POC1A: variants seen among roughly 807,000 people sequenced by gnomAD.
The protein encoded by POC1A is POC1 centriolar protein A, also known as POC1 centriolar protein homolog A.
A neutral mutation model predicts 47.8 loss-of-function variants in POC1A; 34 were observed. The ratio of observed to expected loss-of-function variants is 0.71; its 90% confidence interval spans 0.54 to 0.95. The LOEUF is 0.95. POC1A is among the 40% of genes least tolerant of loss of function. POC1A has a pLI of 0.00. For missense variants in POC1A, 466 were observed against 528.3 expected, an observed-to-expected ratio of 0.88 and a Z score of 1.16; for synonymous variants, 177 against 207.6, an observed-to-expected ratio of 0.85 and a Z score of 1.27.
intron 9 of POC1A, among the ~76,000 whole-genome samples, chr3:52,116,794 T>C (rs181626984): frequency 6.6e-6 from 1 of 152,232 alleles, no homozygotes; most frequent in East Asian, 1.9e-4. Context: ...TTCACACCTA[T>C]AATCCCAATG....
chr3:52,133,513 C>CT (rs1704316071), intron 7 of POC1A, among the ~76,000 whole-genome samples: 3 of 152,172 alleles, frequency 2.0e-5, no homozygotes, highest in Non-Finnish European at 4.4e-5. Flanking sequence ...CACCCGCACG[C>CT]TGACTCCTGG....
chr3:52,094,762 A>G (rs1031569479), intron 10 of POC1A, among the ~76,000 whole-genome samples: 3 of 152,208 alleles, frequency 2.0e-5, no homozygotes, highest in Non-Finnish European at 4.4e-5. Context: ...TATTGTTGGC[A>G]TCTGGTCGGG....
intron 4 of POC1A, among the ~76,000 whole-genome samples, chr3:52,147,648 G>GCC (rs1360941401): frequency 6.6e-6 from 1 of 151,788 alleles, no homozygotes; most frequent in African/African-American, 2.4e-5. Context: ...TCACTATGTT[G>GCC]CCCAGGCTGG....
chr3:52,075,688 A>T lies in POC1A; in HGVS notation c.*199T>A. ...CATCATTTGTGTGTGAGCCCGGCCCACTGGGGACCTCTGGCTGCCAGGTGG... is the reference window on the plus strand; with the variant it reads ...CATCATTTGTGTGTGAGCCCGGCCCTCTGGGGACCTCTGGCTGCCAGGTGG... On this transcript the variant is annotated 3_prime_UTR_variant, in exon 11 of 11. Transcript: ENST00000296484. 7.6e-6 allele frequency: 4 copies of T among 527,950 alleles called. No homozygotes were observed. The highest frequency in any genetic ancestry group is 1.4e-5 in the Non-Finnish European group (4 of 285,270). The allele number at this position is 527,950 out of a possible 1,614,324, so 32.7% of individuals were successfully genotyped here. A position where few individuals can be genotyped will look rare whatever the true frequency, so the allele number is the denominator to read the frequency against.
intron 9 of POC1A, among the ~76,000 whole-genome samples, chr3:52,118,642 G>A (rs1703658427): frequency 6.6e-6 from 1 of 152,118 alleles, no homozygotes; most frequent in Admixed American, 6.5e-5. Flanking sequence ...GTCCATGCAG[G>A]GTCTGCCCCT....
intron 7 of POC1A, among the ~76,000 whole-genome samples, chr3:52,132,821 G>A (rs1482720492): frequency 6.6e-6 from 1 of 152,318 alleles, no homozygotes; most frequent in East Asian, 1.9e-4. Context: ...AAGGAAGGCA[G>A]ATCACTTGAG....
intron 9 of POC1A, among the ~76,000 whole-genome samples, chr3:52,116,533 A>G (rs565617671): frequency 6.6e-6 from 1 of 152,310 alleles, no homozygotes; most frequent in South Asian, 2.1e-4. Flanking sequence ...ATCTGGGAGC[A>G]CAGGGGACTT....
At chr3:52,133,054 AAAAG>A (rs1198143735) in intron 7 of POC1A, among the ~76,000 whole-genome samples, 2 of 152,094 alleles carry the variant, frequency 1.3e-5, no homozygotes, top group East Asian at 1.9e-4. Flanking sequence ...TCAAAAAAAA[AAAAG>A]AAAGAAAGAA....
chr3:52,112,433 A>G (rs889354958), intron 9 of POC1A, among the ~76,000 whole-genome samples: 3 of 152,208 alleles, frequency 2.0e-5, no homozygotes, highest in Non-Finnish European at 2.9e-5. Flanking sequence ...TGAAGTCAGG[A>G]GTTCAAGACC....
intron 2 of POC1A, 88 bp from the exon 3 acceptor site, chr3:52,150,075 G>A (rs897606368): frequency 7.2e-6 from 8 of 1,104,556 alleles, no homozygotes; most frequent in African/African-American, 3.1e-5. Flanking sequence ...GGAGCAACTG[G>A]CCCAGCTCCA....
intron 9 of POC1A, among the ~76,000 whole-genome samples, chr3:52,121,287 T>C (rs979421489): frequency 2.6e-5 from 4 of 152,136 alleles, no homozygotes; most frequent in Admixed American, 2.6e-4. Context: ...GTGAAATGCC[T>C]TTCTGGGTGG....
chr3:52,133,406 A>G (rs1031675230), intron 7 of POC1A, among the ~76,000 whole-genome samples: 1 of 152,192 alleles, frequency 6.6e-6, no homozygotes, highest in African/African-American at 2.4e-5. Context: ...AGAACAGACT[A>G]AGATAACCCC....
At chr3:52,140,853 C>A (rs117786994) in intron 6 of POC1A, among the ~76,000 whole-genome samples, 1 of 152,222 alleles carries the variant, frequency 6.6e-6, no homozygotes, top group South Asian at 2.1e-4. Flanking sequence ...AGAACCACCC[C>A]TGCATGAGAG....
intron 7 of POC1A, among the ~76,000 whole-genome samples, chr3:52,133,194 C>A (rs1253632344): frequency 6.6e-6 from 1 of 152,126 alleles, no homozygotes; most frequent in Non-Finnish European, 1.5e-5. Flanking sequence ...GGAGTTTGGT[C>A]CTTTCCGCCC....
chr3:52,149,961 T>A lies in POC1A; in HGVS notation c.130A>T (p.Met44Leu), dbSNP rs1053072293. 5 of 1,613,498 alleles carry A rather than the reference T, an allele frequency of 3.1e-6. No homozygotes were observed. In the African/African-American group the frequency reaches 6.7e-5, roughly 22 times the overall value. Residue 44 changes from methionine to leucine, a missense_variant, in exon 3 of 11, where the codon ATG (methionine) becomes TTG (leucine). Met to Leu is a conservative substitution (Grantham distance 15). Transcript: ENST00000296484. The stretch of plus-strand genomic sequence containing the variant: ...GACTGCGGCTTCATGTGCCAGACCA[T>A]GAGGCATGAGTCCATGGAGCCACTG... ...LASGSMDSCL[M>L]VWHMKPQSRA...
intron 6 of POC1A, among the ~76,000 whole-genome samples, chr3:52,140,776 C>A (rs960378263): frequency 6.6e-6 from 1 of 152,232 alleles, no homozygotes; most frequent in South Asian, 2.1e-4. Flanking sequence ...GCACCAGCCT[C>A]CACTCTCACT....
chr3:52,096,466 T>G, intron 10 of POC1A, 103 bp downstream of exon 10: 1 of 1,012,714 alleles, frequency 9.9e-7, no homozygotes, highest in Non-Finnish European at 1.4e-6. Context: ...CCGTTATAAT[T>G]ATGTTTTTAA....
intron 7 of POC1A, among the ~76,000 whole-genome samples, chr3:52,137,465 T>C (rs972731562): frequency 6.6e-6 from 1 of 152,122 alleles, no homozygotes; most frequent in African/African-American, 2.4e-5. Flanking sequence ...GCATGGTGAC[T>C]ACGCCCCAAC....
In POC1A at chr3:52,138,346, G is replaced by A. The variant is rs780882972; in HGVS notation, c.680-44C>T. Reference sequence around the variant, plus strand: ...TCAGGTGCTGGCTAGGAGGCACAGGGAGCACAGCTGAAGCCCAAGACGGGC... The same window carrying A: ...TCAGGTGCTGGCTAGGAGGCACAGGAAGCACAGCTGAAGCCCAAGACGGGC... On this transcript the variant is annotated intron_variant, in intron 6 of 10. Transcript: ENST00000296484. 3.0e-5 allele frequency: 48 copies of A among 1,579,946 alleles called. 1 individual carries two copies. In the South Asian group the frequency reaches 5.3e-4, roughly 17 times the overall value.
Sources: allele counts gnomAD v4.1 joint callset (sites outside exome capture counted in the v4.1 genomes callset), GRCh38; gene constraint gnomAD v4.1.1; transcripts MANE v1.5; gene names NCBI Gene and HGNC (gene_info 2026-07-23, HGNC 2026-07-21).